The following ADAMTS3 variants were observed in gnomAD, a reference collection of about 807,000 sequenced individuals.
ADAMTS3 encodes A disintegrin and metalloproteinase with thrombospondin motifs 3.
Under a neutral mutation model 129.0 loss-of-function variants are expected in ADAMTS3, and 73 were observed. The observed-to-expected ratio is 0.57, with a 90% CI of 0.47 to 0.69. The LOEUF (loss-of-function observed/expected upper bound fraction) is 0.69, where lower values mean the gene tolerates loss of function less well. ADAMTS3 is among the 30% of genes least tolerant of loss of function. The pLI, the probability that ADAMTS3 is intolerant of heterozygous loss-of-function variation, is 0.00. For missense variants in ADAMTS3, 1,457 were observed against 1,514.5 expected (o/e 0.96, Z 0.63); for synonymous variants, 477 against 510.8 (o/e 0.93, Z 0.89).
chr4:72,526,733 C>CATACATAT (rs1468888257), intron 3 of ADAMTS3, among the ~76,000 whole-genome samples: 4 of 99,106 alleles, frequency 4.0e-5, no homozygotes, highest in African/African-American at 1.6e-4. Context: ...TATATACATA[C>CATACATAT]ATATATATAT....
At chr4:72,547,516 T>G (rs1429954392) in intron 3 of ADAMTS3, among the ~76,000 whole-genome samples, 1 of 152,170 alleles carries the variant, frequency 6.6e-6, no homozygotes, top group African/African-American at 2.4e-5. Flanking sequence ...GATCATCTCA[T>G]ACAGTTACCT....
At chr4:72,320,598 G>T (rs916540924) in intron 7 of ADAMTS3, 116 bp downstream of exon 7, 145 of 1,051,804 alleles carry the variant, frequency 1.4e-4, no homozygotes, top group Non-Finnish European at 1.9e-4. Context: ...ATGCTTGGCC[G>T]GTGTGTGGTG....
intron 3 of ADAMTS3, among the ~76,000 whole-genome samples, chr4:72,434,976 A>G (rs964227357): frequency 5.3e-5 from 8 of 151,960 alleles, no homozygotes; most frequent in African/African-American, 1.7e-4. Context: ...AGGAAATTCA[A>G]TTTTGCCACC....
intron 3 of ADAMTS3, among the ~76,000 whole-genome samples, chr4:72,514,641 C>G (rs1483884594): frequency 6.6e-6 from 1 of 152,100 alleles, no homozygotes; most frequent in South Asian, 2.1e-4. Context: ...TCACTACCGA[C>G]TGGATGGTAA....
At chr4:72,403,747 C>G (rs1406091818) in intron 4 of ADAMTS3, among the ~76,000 whole-genome samples, 1 of 152,026 alleles carries the variant, frequency 6.6e-6, no homozygotes, top group African/African-American at 2.4e-5. Flanking sequence ...AAATAAAAAG[C>G]TCCTAACAAG....
chr4:72,474,542 CAG>C (rs921267829), intron 3 of ADAMTS3, among the ~76,000 whole-genome samples: 6 of 151,888 alleles, frequency 4.0e-5, no homozygotes, highest in African/African-American at 1.5e-4. Context: ...ATAAAATAAA[CAG>C]AGCCTCAGAA....
At chr4:72,427,280 G>C (rs1722596572) in intron 3 of ADAMTS3, among the ~76,000 whole-genome samples, 1 of 152,084 alleles carries the variant, frequency 6.6e-6, no homozygotes, top group Non-Finnish European at 1.5e-5. Context: ...TGTAACTGCA[G>C]AGAGCCTAAG....
intron 3 of ADAMTS3, among the ~76,000 whole-genome samples, chr4:72,476,669 A>G (rs1233372808): frequency 3.9e-5 from 6 of 152,176 alleles, no homozygotes; most frequent in African/African-American, 1.4e-4. Flanking sequence ...GAGGGAAGGA[A>G]GAAGGGAGGG....
At chr4:72,516,130 T>A (rs181525079) in intron 3 of ADAMTS3, among the ~76,000 whole-genome samples, 3 of 152,086 alleles carry the variant, frequency 2.0e-5, no homozygotes, top group Non-Finnish European at 2.9e-5. Context: ...CAGGTTTGTC[T>A]AAGATCAGAT....
chr4:72,344,214 T>C (rs1720213264), intron 4 of ADAMTS3, among the ~76,000 whole-genome samples: 1 of 152,206 alleles, frequency 6.6e-6, no homozygotes. Flanking sequence ...TATAACTTTC[T>C]TTGCTGATTA....
At chr4:72,374,647 TG>T (rs1721093576) in intron 4 of ADAMTS3, among the ~76,000 whole-genome samples, 1 of 152,220 alleles carries the variant, frequency 6.6e-6, no homozygotes, top group Non-Finnish European at 1.5e-5. Flanking sequence ...CTGTCCACAT[TG>T]GTGGATTATT....
chr4:72,314,336 G>T (rs76998825), intron 11 of ADAMTS3, among the ~76,000 whole-genome samples: 3,592 of 152,194 alleles, frequency 0.024, 154 homozygotes, highest in African/African-American at 0.082. Flanking sequence ...CTGAGAGATA[G>T]ATGGGTCATA....
intron 19 of ADAMTS3, 133 bp downstream of exon 19, chr4:72,295,521 G>T: frequency 1.1e-6 from 1 of 895,754 alleles, no homozygotes; most frequent in Non-Finnish European, 1.6e-6. Flanking sequence ...TATAATTCCT[G>T]TGAAGTGACT....
chr4:72,480,318 A>G (rs925470001), intron 3 of ADAMTS3, among the ~76,000 whole-genome samples: 2 of 152,124 alleles, frequency 1.3e-5, no homozygotes, highest in East Asian at 1.9e-4. Context: ...ATGATAGACT[A>G]GATTAAGAAA....
chr4:72,365,473 C>T (rs1029303518), intron 4 of ADAMTS3, among the ~76,000 whole-genome samples: 2 of 151,992 alleles, frequency 1.3e-5, no homozygotes, highest in African/African-American at 2.4e-5. Context: ...GTTTTTTTGG[C>T]GATACTGAGA....
At position 72,568,718 on chromosome 4, in the gene ADAMTS3, C is replaced by T; in HGVS notation, c.45G>A (p.Glu15=). 1 of 1,613,858 alleles carries T rather than the reference C, an allele frequency of 6.2e-7. No individual in the cohort carries two copies. Among genetic ancestry groups the T allele is most frequent in the South Asian group, 1.1e-5 (1 of 91,062 alleles). The stretch of plus-strand genomic sequence containing the variant: ...CTTGTCCATCAGCTGAAGTCCTAAC[C>T]TCTACCAGAGCGGCTGCTATCAACC... ...SLWLIAAALV[E]VRTSADGQAG... is the part of the protein sequence containing the mutation. Residue 15 remains glutamate, a synonymous_variant, in exon 1 of 22, where the codon GAG becomes GAA. Coordinates refer to ENST00000286657, the MANE Select transcript of ADAMTS3 (RefSeq NM_014243.3).
rs143629034 is a variant in ADAMTS3, at chr4:72,513,719, T to C, written c.504+34759A>G. ...AAATCTTAAATATTCTTTTCTTTTT[T>C]CCTGCAGTTTTTTTACATAAATATA... On this transcript the variant is annotated intron_variant, in intron 3 of 21. Coordinates refer to ENST00000286657, the MANE Select transcript of ADAMTS3 (RefSeq NM_014243.3). 5.7e-3 allele frequency among the ~76,000 whole-genome samples: 873 copies of C among 152,306 alleles called. 2 individuals carry two copies. The highest frequency in any genetic ancestry group is 0.02 in the African/African-American group (839 of 41,572).
intron 4 of ADAMTS3, among the ~76,000 whole-genome samples, chr4:72,354,486 C>G (rs1560483995): frequency 6.6e-6 from 1 of 152,006 alleles, no homozygotes; most frequent in Non-Finnish European, 1.5e-5. Context: ...CCAGATGTCT[C>G]TTCAGGTGGT....
intron 5 of ADAMTS3, among the ~76,000 whole-genome samples, chr4:72,330,297 G>C (rs552940164): frequency 4.7e-4 from 72 of 152,160 alleles, no homozygotes; most frequent in Non-Finnish European, 9.0e-4. Context: ...GGGATTGCAG[G>C]CATGAATGAG....
Sources: allele counts gnomAD v4.1 joint callset (sites outside exome capture counted in the v4.1 genomes callset), GRCh38; gene constraint gnomAD v4.1.1; transcripts MANE v1.5; gene names NCBI Gene and HGNC (gene_info 2026-07-23, HGNC 2026-07-21).